The following TOP2B variants were observed in gnomAD, a reference collection of about 807,000 sequenced individuals.
TOP2B encodes DNA topoisomerase II beta, also known as DNA topoisomerase 2-beta.
In TOP2B, 51 loss-of-function variants were observed where a neutral mutation model predicts 193.5. The ratio of observed to expected loss-of-function variants is 0.26; its 90% confidence interval spans 0.21 to 0.33. The LOEUF (loss-of-function observed/expected upper bound fraction) is 0.33. TOP2B is among the 10% of genes least tolerant of loss of function. TOP2B has a pLI of 1.00. For missense variants in TOP2B, 1,378 were observed against 1,909.3 expected, an observed-to-expected ratio of 0.72 and a Z score of 5.19; for synonymous variants, 634 against 635.7, an observed-to-expected ratio of 1.00 and a Z score of 0.04.
intron 35 of TOP2B, among the ~76,000 whole-genome samples, 162 bp from the exon 36 acceptor site, chr3:25,598,639 TTA>T (rs1234226141): frequency 6.6e-6 from 1 of 151,924 alleles, no homozygotes; most frequent in East Asian, 1.9e-4. Flanking sequence ...ACCAGTTATC[TTA>T]TTTTTTGGAG....
At chr3:25,661,536 C>T (rs759847340) in intron 1 of TOP2B, among the ~76,000 whole-genome samples, 1 of 152,168 alleles carries the variant, frequency 6.6e-6, no homozygotes, top group Non-Finnish European at 1.5e-5. Context: ...TTACTATCTA[C>T]TAATCAAAGC....
intron 1 of TOP2B, among the ~76,000 whole-genome samples, chr3:25,652,644 ATAGAGCAATATTTATG>A (rs1703624244): frequency 6.6e-6 from 1 of 152,182 alleles, no homozygotes; most frequent in Non-Finnish European, 1.5e-5. Context: ...CCAAAACACA[ATAGAGCAATATTTATG>A]TAATGCAGCT....
chr3:25,644,451 A>C (rs890702498), intron 2 of TOP2B, among the ~76,000 whole-genome samples: 52 of 152,120 alleles, frequency 3.4e-4, no homozygotes, highest in African/African-American at 1.2e-3. Flanking sequence ...CTGTAATCCT[A>C]GCACTCTGGG....
Position 25,624,451 on chromosome 3 carries a change from C to A in TOP2B, c.2347-6G>T. The A allele has an allele frequency of 6.2e-7, 1 of 1,612,000 alleles. No individual in the cohort carries two copies. Among genetic ancestry groups the A allele is most frequent in the Non-Finnish European group, 8.5e-7 (1 of 1,179,214 alleles). Reference sequence around the variant, plus strand: ...ATAGTCATCATCAATGCTTGCTATACAACAGAAGAAGGCAGAACATAACAT... The same window carrying A: ...ATAGTCATCATCAATGCTTGCTATAAAACAGAAGAAGGCAGAACATAACAT... On this transcript the variant is annotated splice_region_variant and splice_polypyrimidine_tract_variant and intron_variant, in intron 19 of 35. Coordinates refer to ENST00000264331, the MANE Select transcript of TOP2B (RefSeq NM_001330700.2).
intron 1 of TOP2B, among the ~76,000 whole-genome samples, chr3:25,647,090 G>A (rs1240935620): frequency 1.3e-5 from 2 of 152,048 alleles, no homozygotes; most frequent in Non-Finnish European, 2.9e-5. Context: ...TTCCACTTCT[G>A]CAAAAGTTAG....
At chr3:25,616,613 TTAA>T (rs748771821) in intron 25 of TOP2B, among the ~76,000 whole-genome samples, 127 of 152,082 alleles carry the variant, frequency 8.4e-4, no homozygotes, top group Middle Eastern at 3.4e-3. Flanking sequence ...TGATAGATGA[TTAA>T]TAAGTACCTA....
intron 21 of TOP2B, among the ~76,000 whole-genome samples, chr3:25,622,242 A>T (rs1338102250): frequency 6.6e-6 from 1 of 152,200 alleles, no homozygotes; most frequent in African/African-American, 2.4e-5. Context: ...TTAACAATCT[A>T]AAATCCATTT....
chr3:25,617,241 T>C (rs763797529), intron 25 of TOP2B, among the ~76,000 whole-genome samples: 1 of 152,022 alleles, frequency 6.6e-6, no homozygotes, highest in Non-Finnish European at 1.5e-5. Context: ...AAACATATAG[T>C]TTAAACCAAC....
In TOP2B at chr3:25,615,503, A is replaced by G. The variant is rs779523554; in HGVS notation, c.3435T>C (p.Tyr1145=). ...GAGACCACAGAGACATATTTAAAAT[A>G]TAATTAAAATCTGGGCCTGAAGGAG... is the stretch of plus-strand genomic sequence containing the variant. The part of the protein sequence containing the change: ...SGTPSGPDFN[Y]ILNMSLWSLT... The change falls in exon 26 of 36, where the codon TAT becomes TAC. Residue 1145 remains tyrosine, a synonymous_variant. Coordinates refer to ENST00000264331, the MANE Select transcript of TOP2B (RefSeq NM_001330700.2). The G allele has an allele frequency of 6.3e-7, 1 of 1,577,234 alleles. No homozygotes were observed. Among genetic ancestry groups the G allele is most frequent in the South Asian group, 1.2e-5 (1 of 85,586 alleles).
chr3:25,629,947 G>A (rs41285077), intron 13 of TOP2B, 82 bp downstream of exon 13: 93 of 1,376,736 alleles, frequency 6.8e-5, no homozygotes, highest in Admixed American at 1.1e-4. Flanking sequence ...TACCATCTTC[G>A]GGCAAGTCTC....
At chr3:25,643,582 A>C in intron 3 of TOP2B, 112 bp downstream of exon 3, 1 of 718,080 alleles carries the variant, frequency 1.4e-6, no homozygotes, top group South Asian at 2.1e-5. Context: ...AGAAGGATAA[A>C]AGCCAGAGAT....
intron 34 of TOP2B, 105 bp from the exon 35 acceptor site, chr3:25,599,634 G>T: frequency 3.9e-6 from 4 of 1,033,008 alleles, no homozygotes; most frequent in South Asian, 1.5e-5. Flanking sequence ...AATCAGTGGA[G>T]CATTGCAGTC....
intron 1 of TOP2B, among the ~76,000 whole-genome samples, chr3:25,652,371 A>G (rs1490356087): frequency 6.6e-6 from 1 of 152,240 alleles, no homozygotes; most frequent in South Asian, 2.1e-4. Flanking sequence ...AGGAGAATAC[A>G]CATTCTTTTC....
chr3:25,663,677 C>T (rs1282184462), intron 1 of TOP2B, among the ~76,000 whole-genome samples: 1 of 152,174 alleles, frequency 6.6e-6, no homozygotes, highest in Non-Finnish European at 1.5e-5. Flanking sequence ...CTGTGAAAGT[C>T]ATCCCCAATG....
At position 25,624,763 on chromosome 3, in the gene TOP2B, G is replaced by A; in HGVS notation, c.2265C>T (p.Phe755=). ...TTACTTCACGTTTATCATTCCTCTT[G>A]AAACAGGTAAATAAAACTTTCCGCT... ...PGQRKVLFTC[F]KRNDKREVKV... The change falls in exon 19 of 36, where the codon TTC becomes TTT. Residue 755 remains phenylalanine, a synonymous_variant. Transcript: ENST00000264331. 6.2e-7 allele frequency: 1 copy of A among 1,613,552 alleles called. No individual in the cohort carries two copies. Among genetic ancestry groups the A allele is most frequent in the Non-Finnish European group, 8.5e-7 (1 of 1,179,674 alleles).
intron 1 of TOP2B, among the ~76,000 whole-genome samples, chr3:25,658,047 C>T (rs1172788050): frequency 1.6e-5 from 1 of 61,358 alleles, no homozygotes; most frequent in Non-Finnish European, 2.9e-5. Flanking sequence ...GGCGACAGAG[C>T]GAGACTCCGT....
chr3:25,599,124 AAC>A (rs1316457046), intron 35 of TOP2B, among the ~76,000 whole-genome samples: 1 of 152,212 alleles, frequency 6.6e-6, no homozygotes, highest in Non-Finnish European at 1.5e-5. Context: ...GTTAAAAGGA[AAC>A]AGTCTTTAGT....
chr3:25,624,402 A>T lies in TOP2B; in HGVS notation c.2390T>A (p.Val797Glu). 6.2e-7 allele frequency: 1 copy of T among 1,613,942 alleles called. No homozygotes were observed. The highest frequency in any genetic ancestry group is 8.5e-7 in the Non-Finnish European group (1 of 1,179,832). Residue 797 changes from valine to glutamate, a missense_variant, in exon 20 of 36, where the codon GTG (valine) becomes GAG (glutamate). Val to Glu is a moderately radical substitution (Grantham distance 121). This residue lies in a region of TOP2B where 379 missense variants were observed against 615.1 expected (regional missense o/e 0.62). Transcript: ENST00000264331. ...AAGCAAGTTAATGTTGTTACTTCCC[A>T]CAAAGTTCTGAGCCAAATTCACAAT... ...MTIVNLAQNF[V>E]GSNNINLLQP...
intron 1 of TOP2B, among the ~76,000 whole-genome samples, chr3:25,654,200 C>G (rs993515385): frequency 1.3e-5 from 2 of 151,792 alleles, no homozygotes; most frequent in Admixed American, 1.3e-4. Flanking sequence ...AGTAGATAAC[C>G]CAAAAGATTC....
Sources: gnomAD v4.1 joint callset for allele counts (sites outside exome capture counted in the v4.1 genomes callset) on GRCh38, gnomAD v4.1.1 for gene constraint, gnomAD v4.1.1 regional missense constraint, MANE v1.5 for transcripts, NCBI Gene and HGNC (gene_info 2026-07-23, HGNC 2026-07-21) for gene names.